Variants in ROBO2 observed in about 807,000 individuals in gnomAD.
ROBO2 encodes the protein roundabout homolog 2.
A neutral mutation model predicts 160.8 loss-of-function variants in ROBO2; 53 were observed. That is an observed-to-expected ratio of 0.33 (90% CI 0.26 to 0.41). The LOEUF (loss-of-function observed/expected upper bound fraction) is 0.41. Ranked by LOEUF, ROBO2 falls within the 10% of genes least tolerant of loss-of-function variation. ROBO2 has a pLI of 1.00. For synonymous variants in ROBO2, 664 were observed against 611.7 expected (o/e 1.09, Z -1.26); for missense variants, 1,577 against 1,722.4 (o/e 0.92, Z 1.49).
intron 2 of ROBO2, among the ~76,000 whole-genome samples, chr3:76,763,564 T>G (rs2061421591): frequency 1.4e-5 from 1 of 71,128 alleles, no homozygotes; most frequent in Admixed American, 1.7e-4. Flanking sequence ...AAAAATATTT[T>G]CCATCATCTT....
At chr3:77,561,132 C>T (rs759509306) in intron 9 of ROBO2, among the ~76,000 whole-genome samples, 5 of 152,080 alleles carry the variant, frequency 3.3e-5, no homozygotes, top group Non-Finnish European at 5.9e-5. Context: ...TACATAATGG[C>T]ATTTAAAATC....
chr3:76,729,475 A>T (rs181332861), intron 2 of ROBO2, among the ~76,000 whole-genome samples: 2 of 152,236 alleles, frequency 1.3e-5, no homozygotes, highest in Admixed American at 1.3e-4. Context: ...TACTTTTATG[A>T]CTGTCATGAG....
At chr3:77,260,170 G>A (rs2058685106) in intron 2 of ROBO2, among the ~76,000 whole-genome samples, 1 of 152,122 alleles carries the variant, frequency 6.6e-6, no homozygotes, top group Non-Finnish European at 1.5e-5. Flanking sequence ...TTTTCACAGC[G>A]GTGGGTCCAT....
At chr3:76,842,907 C>T (rs1440544378) in intron 2 of ROBO2, among the ~76,000 whole-genome samples, 2 of 152,014 alleles carry the variant, frequency 1.3e-5, no homozygotes, top group African/African-American at 2.4e-5. Flanking sequence ...ATTCAAGAAG[C>T]AGAGGCTCAT....
At chr3:76,397,118 A>G (rs2077503879) in intron 2 of ROBO2, among the ~76,000 whole-genome samples, 1 of 152,184 alleles carries the variant, frequency 6.6e-6, no homozygotes, top group South Asian at 2.1e-4. Flanking sequence ...ACTGGTACCA[A>G]AACAGAGATA....
chr3:77,064,817 G>A (rs1363142348), intron 1 of ROBO2, among the ~76,000 whole-genome samples: 2 of 152,126 alleles, frequency 1.3e-5, no homozygotes, highest in Non-Finnish European at 2.9e-5. Context: ...GGAAAAGGGA[G>A]AATGAATTAT....
intron 9 of ROBO2, among the ~76,000 whole-genome samples, chr3:77,561,337 A>T (rs954053243): frequency 1.3e-5 from 2 of 152,052 alleles, no homozygotes; most frequent in Non-Finnish European, 2.9e-5. Context: ...GCCTTGTCTG[A>T]CTTTGTTTGG....
intron 2 of ROBO2, among the ~76,000 whole-genome samples, chr3:76,512,324 A>ATATATG (rs1030465675): frequency 4.3e-5 from 6 of 140,702 alleles, no homozygotes; most frequent in Non-Finnish European, 9.0e-5. Context: ...ATATATATGT[A>ATATATG]TATATATATA....
intron 2 of ROBO2, among the ~76,000 whole-genome samples, chr3:76,425,168 T>G (rs1200797069): frequency 6.6e-6 from 1 of 151,992 alleles, no homozygotes; most frequent in Admixed American, 6.6e-5. Flanking sequence ...CACCTGCCAT[T>G]CAATTTGCCT....
chr3:76,684,525 A>T (rs1447340708), intron 2 of ROBO2, among the ~76,000 whole-genome samples: 1 of 152,120 alleles, frequency 6.6e-6, no homozygotes, highest in Non-Finnish European at 1.5e-5. Context: ...TAATTTGCCC[A>T]TTACTTAGTT....
intron 2 of ROBO2, among the ~76,000 whole-genome samples, chr3:77,280,115 C>G (rs1163049818): frequency 6.6e-6 from 1 of 152,100 alleles, no homozygotes; most frequent in Non-Finnish European, 1.5e-5. Flanking sequence ...TACAAAGCAC[C>G]TCTCTCACCT....
intron 2 of ROBO2, among the ~76,000 whole-genome samples, chr3:77,209,288 A>G (rs1333195687): frequency 6.6e-6 from 1 of 152,164 alleles, no homozygotes; most frequent in Non-Finnish European, 1.5e-5. Context: ...TAATCAAAAA[A>G]CATCTCTGTT....
intron 19 of ROBO2, among the ~76,000 whole-genome samples, chr3:77,598,408 G>C (rs891524614): frequency 6.8e-6 from 1 of 147,728 alleles, no homozygotes; most frequent in Non-Finnish European, 1.5e-5. Flanking sequence ...CTACTTCATA[G>C]GTGTGTAATG....
intron 2 of ROBO2, among the ~76,000 whole-genome samples, chr3:76,229,879 C>A (rs781347040): frequency 1.3e-5 from 2 of 152,094 alleles, no homozygotes; most frequent in Admixed American, 6.6e-5. Context: ...GTAATGGATT[C>A]TCTGAGAGCA....
chr3:77,287,001 A>T (rs1180468239), intron 2 of ROBO2, among the ~76,000 whole-genome samples: 4 of 152,228 alleles, frequency 2.6e-5, no homozygotes. Context: ...GGAGGTTGCC[A>T]TTCGTTTGAG....
rs533035344 is a variant in ROBO2, at chr3:77,264,555, A to T, written c.388+166215A>T. ...TTCATAATGTTTTTTTTTAATTCTA[A>T]AAAAGATCTATGTCTGCCAGGAAGA... On this transcript the variant is annotated intron_variant, in intron 2 of 25. Coordinates refer to ENST00000461745, the Ensembl canonical transcript of ROBO2. Among the ~76,000 whole-genome samples the T allele has an allele frequency of 7.2e-5, 11 of 152,214 alleles. No individual in the cohort carries two copies. In the East Asian group the frequency reaches 2.1e-3, roughly 29 times the overall value.
intron 2 of ROBO2, among the ~76,000 whole-genome samples, chr3:77,394,107 G>A (rs2075024176): frequency 6.6e-6 from 1 of 152,060 alleles, no homozygotes; most frequent in African/African-American, 2.4e-5. Flanking sequence ...CAAAAGCAAC[G>A]GTGATTATAG....
intron 2 of ROBO2, among the ~76,000 whole-genome samples, chr3:76,362,682 A>C (rs1372114576): frequency 6.6e-6 from 1 of 152,108 alleles, no homozygotes; most frequent in Non-Finnish European, 1.5e-5. Flanking sequence ...AGGGCAAAGA[A>C]ACTTTTAGAA....
intron 2 of ROBO2, among the ~76,000 whole-genome samples, chr3:75,957,815 G>A (rs946363017): frequency 2.3e-4 from 35 of 151,280 alleles, no homozygotes; most frequent in African/African-American, 8.2e-4. Context: ...GAACTTGTGT[G>A]CTGAGGTTAA....
Sources: gnomAD v4.1 joint callset for allele counts (sites outside exome capture counted in the v4.1 genomes callset) on GRCh38, gnomAD v4.1.1 for gene constraint, MANE v1.5 for transcripts, NCBI Gene and HGNC (gene_info 2026-07-23, HGNC 2026-07-21) for gene names.